The following UTP20 variants were observed in gnomAD, a reference collection of about 807,000 sequenced individuals.
UTP20 encodes small subunit processome component 20 homolog.
In UTP20, 164 loss-of-function variants were observed where a neutral mutation model predicts 329.5. The ratio of observed to expected loss-of-function variants is 0.50; its 90% CI spans 0.44 to 0.57. The LOEUF (loss-of-function observed/expected upper bound fraction) is 0.57. Ranked by LOEUF, UTP20 falls within the 20% of genes least tolerant of loss-of-function variation. The pLI is 0.00. For missense variants in UTP20, 3,055 were observed against 3,284.2 expected (o/e 0.93, Z 1.71); for synonymous variants, 1,151 against 1,159.3 (o/e 0.99, Z 0.14).
intron 54 of UTP20, 93 bp downstream of exon 54, chr12:101,373,860 GT>G: frequency 2.2e-6 from 3 of 1,368,114 alleles, no homozygotes; most frequent in Non-Finnish European, 1.0e-6. Context: ...TGTTGAATTG[GT>G]TTTTTTCCCA....
chr12:101,290,460 C>A (rs538667220), intron 7 of UTP20, among the ~76,000 whole-genome samples, 186 bp downstream of exon 7: 2 of 152,240 alleles, frequency 1.3e-5, no homozygotes, highest in Admixed American at 1.3e-4. Context: ...ACTTACAGAG[C>A]CATTGATGTC....
At position 101,333,412 on chromosome 12, in the gene UTP20, G is replaced by A. The variant is rs1868825684; in HGVS notation, c.3529G>A (p.Asp1177Asn). The change falls in exon 28 of 62, where the codon GAT (aspartate) becomes AAT (asparagine). Residue 1177 changes from aspartate (D) to asparagine (N), a missense_variant. Asp to Asn is a conservative substitution (Grantham distance 23). Transcript: ENST00000261637. ...ESYQFRTEEI[D>N]AVFHGAVWPQ... ...ATATCAGTTTAGAACAGAAGAAATT[G>A]ATGCTGTGTTTCATGGTGCAGTTTG... 1 of 1,613,954 alleles carries A rather than the reference G, an allele frequency of 6.2e-7. No homozygotes were observed. The highest frequency in any genetic ancestry group is 8.5e-7 in the Non-Finnish European group (1 of 1,179,958).
At chr12:101,281,540 C>T (rs1871797738) in intron 2 of UTP20, among the ~76,000 whole-genome samples, 1 of 152,172 alleles carries the variant, frequency 6.6e-6, no homozygotes, top group African/African-American at 2.4e-5. Context: ...ATTCCAAGCA[C>T]TGCTGCAGAT....
At chr12:101,309,285 A>T (rs1872718662) in intron 18 of UTP20, among the ~76,000 whole-genome samples, 1 of 152,242 alleles carries the variant, frequency 6.6e-6, no homozygotes, top group Admixed American at 6.5e-5. Flanking sequence ...CCTCCCTAGC[A>T]CATGGGAATG....
intron 48 of UTP20, 150 bp downstream of exon 48, chr12:101,368,126 G>GT (rs377394929): frequency 0.14 from 61,090 of 436,272 alleles, no homozygotes; most frequent in South Asian, 0.2. Flanking sequence ...GGGTTTTTGG[G>GT]TTTTTTTTTT....
intron 24 of UTP20, among the ~76,000 whole-genome samples, chr12:101,321,291 AGAAT>A (rs1162814838): frequency 6.6e-6 from 1 of 152,214 alleles, no homozygotes; most frequent in African/African-American, 2.4e-5. Flanking sequence ...AGTTATGGAC[AGAAT>A]CTAATCTTTT....
At chr12:101,287,246 CT>C (rs1288482560) in intron 5 of UTP20, among the ~76,000 whole-genome samples, 1 of 152,214 alleles carries the variant, frequency 6.6e-6, no homozygotes, top group African/African-American at 2.4e-5. Context: ...GCCCACCGTT[CT>C]CTTTTAGGAA....
intron 6 of UTP20, 134 bp downstream of exon 6, chr12:101,289,175 G>A: frequency 5.6e-6 from 4 of 718,652 alleles, no homozygotes; most frequent in Non-Finnish European, 6.7e-6. Context: ...TCAGGAATTG[G>A]AGACCAGCCT....
rs374626049 is a variant in UTP20 at position 101,385,690 on chromosome 12, G to C, written c.8164G>C (p.Glu2722Gln). The change falls in exon 61 of 62, where the codon GAG becomes CAG. Residue 2722 changes from glutamate to glutamine, a missense_variant. Glu to Gln is a conservative substitution (Grantham distance 29, BLOSUM62 2). Transcript: ENST00000261637. The stretch of plus-strand genomic sequence containing the variant: ...TGCCTCTGTACAGAAACAGGCTAAT[G>C]AGAAAAGGGCACTCCGGAAAAAGAG... ...AFASVQKQAN[E>Q]KRALRKKRKA... 1 of 1,611,352 alleles carries C rather than the reference G, an allele frequency of 6.2e-7. No homozygotes were observed. Among genetic ancestry groups the C allele is most frequent in the Non-Finnish European group, 8.5e-7 (1 of 1,179,606 alleles).
At chr12:101,381,342 G>A in intron 58 of UTP20, 131 bp downstream of exon 58, 1 of 714,198 alleles carries the variant, frequency 1.4e-6, no homozygotes, top group Admixed American at 2.5e-5. Flanking sequence ...AGATGAGCCT[G>A]GCCAACATGG....
chr12:101,311,664 A>G, intron 19 of UTP20, 55 bp from the exon 20 acceptor site: 1 of 1,443,868 alleles, frequency 6.9e-7, no homozygotes. Context: ...TTCTATGAGC[A>G]ATCTTAAAAT....
intron 39 of UTP20, 62 bp downstream of exon 39, chr12:101,352,256 T>A: frequency 6.5e-7 from 1 of 1,530,640 alleles, no homozygotes; most frequent in Non-Finnish European, 8.9e-7. Context: ...TGCATAGTAT[T>A]CCATGGTATA....
At chr12:101,370,856 T>A (rs1218248918) in intron 50 of UTP20, among the ~76,000 whole-genome samples, 1 of 152,252 alleles carries the variant, frequency 6.6e-6, no homozygotes. Context: ...CTCACCATTT[T>A]AAAAAATTCA....
chr12:101,337,343 G>A (rs1337553211), intron 29 of UTP20, among the ~76,000 whole-genome samples: 1 of 152,164 alleles, frequency 6.6e-6, no homozygotes, highest in Admixed American at 6.5e-5. Context: ...ATTGAAAAAG[G>A]CAAACTATCT....
At chr12:101,350,279 A>G (rs1565801269) in intron 38 of UTP20, among the ~76,000 whole-genome samples, 1 of 151,722 alleles carries the variant, frequency 6.6e-6, no homozygotes, top group South Asian at 2.1e-4. Flanking sequence ...CGATCCTCCT[A>G]CCTCTGCCTC....
At chr12:101,366,521 T>C (rs1190179567) in intron 46 of UTP20, 37 bp from the exon 47 acceptor site, 1 of 1,579,560 alleles carries the variant, frequency 6.3e-7, no homozygotes, top group Non-Finnish European at 8.6e-7. Flanking sequence ...CAGCTGACAG[T>C]GTTCTTTACC....
At position 101,345,573 on chromosome 12, in the gene UTP20, C is replaced by T; in HGVS notation, c.4625C>T (p.Thr1542Ile). Residue 1542 changes from threonine (T) to isoleucine (I), a missense_variant, in exon 37 of 62, where the codon ACC becomes ATC. Thr to Ile is a moderately conservative substitution (Grantham distance 89, BLOSUM62 -1). This residue lies in a region of UTP20 where 2,445 missense variants were observed against 2,575.5 expected (regional missense o/e 0.95). Transcript: ENST00000261637. Reference sequence around the variant, plus strand: ...TTACAGAGTATTCAGCAGGATTATACCACAATACTTTCCTGTTTAATTCAA... The same window carrying T: ...TTACAGAGTATTCAGCAGGATTATATCACAATACTTTCCTGTTTAATTCAA... ...SQTESIQQDYTTILSCLIQTF... is the reference protein window; with the variant it reads ...SQTESIQQDYITILSCLIQTF... 6.3e-7 allele frequency: 1 copy of T among 1,597,044 alleles called. No individual in the cohort carries two copies. Among genetic ancestry groups the T allele is most frequent in the Non-Finnish European group, 8.6e-7 (1 of 1,166,862 alleles).
chr12:101,326,639 T>C lies in UTP20; in HGVS notation c.3042-442T>C, dbSNP rs916964349. ...TAATCTATATATTCTCATTTTCATT[T>C]TTTCTTCATTAGACTTACCTTTGAT... On this transcript the variant is annotated intron_variant, in intron 25 of 61. Transcript: ENST00000261637. Among the ~76,000 whole-genome samples, 4 of 152,180 alleles carry C rather than the reference T, an allele frequency of 2.6e-5. No individual in the cohort carries two copies. The East Asian group carries it at 5.8e-4, about 22-fold the overall frequency.
chr12:101,349,976 T>G (rs1269565173), intron 38 of UTP20, among the ~76,000 whole-genome samples: 1 of 152,140 alleles, frequency 6.6e-6, no homozygotes, highest in Non-Finnish European at 1.5e-5. Context: ...TCTAATCTGC[T>G]GTAAATCCCA....
Sources: allele counts gnomAD v4.1 joint callset (sites outside exome capture counted in the v4.1 genomes callset), GRCh38; gene constraint gnomAD v4.1.1; regional missense constraint gnomAD v4.1.1; transcripts MANE v1.5; gene names NCBI Gene and HGNC (gene_info 2026-07-23, HGNC 2026-07-21).